RNMT: variants seen among roughly 807,000 people sequenced by gnomAD.
RNMT encodes the protein RNA guanine-7 methyltransferase.
Under a neutral mutation model 56.0 loss-of-function variants are expected in RNMT, and 27 were observed. That is an observed-to-expected ratio of 0.48 (90% CI 0.36 to 0.67). RNMT has a LOEUF of 0.67. RNMT is among the 30% of genes least tolerant of loss of function. The pLI is 0.00. For missense variants in RNMT, 519 were observed against 552.1 expected, an observed-to-expected ratio of 0.94 and a Z score of 0.60; for synonymous variants, 184 against 176.2, an observed-to-expected ratio of 1.04 and a Z score of -0.35.
rs1250711207 is a variant in RNMT at position 13,730,772 on chromosome 18, A to G, written c.-43+17A>G. The G allele has an allele frequency of 1.3e-5, 2 of 152,230 alleles. No homozygotes were observed. The highest frequency in any genetic ancestry group is 2.4e-5 in the African/African-American group (1 of 41,458). 9.4% of individuals were successfully genotyped at this position (152,230 alleles called of 1,614,324 possible). On this transcript the variant is annotated intron_variant, in intron 2 of 11. Transcript: ENST00000383314. ...CATTGAAAGGTATGTAGTGTAATCT[A>G]TTCAGCTGGAACTGTGCTGTACTTA...
At chr18:13,743,343 AATAAATAAATAAAT>A (rs2149094228) in intron 8 of RNMT, among the ~76,000 whole-genome samples, 1 of 102,354 alleles carries the variant, frequency 9.8e-6, no homozygotes, top group South Asian at 2.9e-4. Context: ...TAAATAAATA[AATAAATAAATAAAT>A]AAATAAATAA....
At chr18:13,743,877 T>C (rs1427260107) in intron 8 of RNMT, among the ~76,000 whole-genome samples, 3 of 151,970 alleles carry the variant, frequency 2.0e-5, no homozygotes, top group Admixed American at 2.0e-4. Flanking sequence ...GCATTGTGAC[T>C]GAACATGAGG....
intron 10 of RNMT, among the ~76,000 whole-genome samples, chr18:13,753,866 C>T (rs543781229): frequency 2.0e-5 from 3 of 148,938 alleles, no homozygotes; most frequent in South Asian, 2.1e-4. Flanking sequence ...CCTCTTCACA[C>T]ACATTCACCC....
At chr18:13,744,127 GT>G (rs2044306357) in intron 8 of RNMT, among the ~76,000 whole-genome samples, 1 of 90,054 alleles carries the variant, frequency 1.1e-5, no homozygotes, top group Non-Finnish European at 2.3e-5. Flanking sequence ...CAAAAGATTT[GT>G]TTTAAATGCT....
intron 4 of RNMT, among the ~76,000 whole-genome samples, chr18:13,735,225 T>A (rs1343037468): frequency 6.6e-6 from 1 of 152,168 alleles, no homozygotes; most frequent in African/African-American, 2.4e-5. Context: ...AAGATTTTTT[T>A]AAAGCCAGTC....
chr18:13,757,389 C>G (rs1415804161), intron 11 of RNMT, among the ~76,000 whole-genome samples: 2 of 152,130 alleles, frequency 1.3e-5, no homozygotes, highest in Non-Finnish European at 2.9e-5. Context: ...GAACTTATTT[C>G]TAAATTGGAG....
intron 3 of RNMT, among the ~76,000 whole-genome samples, chr18:13,733,620 C>T (rs1568499194): frequency 6.6e-6 from 1 of 152,136 alleles, no homozygotes; most frequent in Non-Finnish European, 1.5e-5. Context: ...TCAAGTGATC[C>T]TCCCACCTGG....
intron 8 of RNMT, among the ~76,000 whole-genome samples, chr18:13,743,962 T>A (rs1290306961): frequency 9.2e-5 from 14 of 151,982 alleles, no homozygotes; most frequent in Non-Finnish European, 2.1e-4. Flanking sequence ...TTCCTTTTAA[T>A]TTTTAAAACT....
At chr18:13,752,620 A>G (rs964489016) in intron 10 of RNMT, among the ~76,000 whole-genome samples, 193 bp downstream of exon 10, 1 of 152,226 alleles carries the variant, frequency 6.6e-6, no homozygotes, top group Admixed American at 6.5e-5. Flanking sequence ...TGGACTGAGA[A>G]TGGAGTGCTA....
At position 13,741,619 on chromosome 18, in the gene RNMT, T is replaced by C. The variant is rs1201682651; in HGVS notation, c.902T>C (p.Leu301Pro). 6.2e-7 allele frequency: 1 copy of C among 1,613,922 alleles called. No individual in the cohort carries two copies. The highest frequency in any genetic ancestry group is 1.7e-5 in the Admixed American group (1 of 60,014). ...FESYEQADMM[L>P]RNACERLSPG... ...TCTTATGAGCAGGCTGACATGATGCTGAGAAATGCGTGTGAGAGACTTAGC... is the reference window on the plus strand; with the variant it reads ...TCTTATGAGCAGGCTGACATGATGCCGAGAAATGCGTGTGAGAGACTTAGC... The change falls in exon 7 of 12, where the codon CTG (leucine) becomes CCG (proline). Residue 301 changes from leucine (L) to proline (P), a missense_variant. By Grantham distance (98) the Leu-to-Pro change is moderately conservative (BLOSUM62 -3). Coordinates refer to ENST00000383314, the MANE Select transcript of RNMT (RefSeq NM_003799.3).
chr18:13,728,286 ATCC>A (rs546286522), intron 1 of RNMT, among the ~76,000 whole-genome samples: 181 of 143,456 alleles, frequency 1.3e-3, no homozygotes, highest in African/African-American at 4.4e-3. Flanking sequence ...TGCATCCTGC[ATCC>A]TCATCAGCAT....
In RNMT at chr18:13,742,514, A is replaced by T. The variant is rs1199857910; in HGVS notation, c.1001A>T (p.Glu334Val). 1 of 1,612,222 alleles carries T rather than the reference A, an allele frequency of 6.2e-7. No homozygotes were observed. Among genetic ancestry groups the T allele is most frequent in the Middle Eastern group, 1.7e-4 (1 of 6,054 alleles). ...LIRRLEASETESFGNEIYTVK... is the reference protein window; with the variant it reads ...LIRRLEASETVSFGNEIYTVK... ...AGACGCCTTGAAGCTTCAGAAACAG[A>T]ATCATTTGGAAATGAAATATATACT... The change falls in exon 8 of 12, where the codon GAA (glutamate) becomes GTA (valine). Residue 334 changes from glutamate to valine, a missense_variant. By Grantham distance (121) the Glu-to-Val change is moderately radical. Coordinates refer to ENST00000383314, the MANE Select transcript of RNMT (RefSeq NM_003799.3).
intron 8 of RNMT, among the ~76,000 whole-genome samples, chr18:13,743,326 AAAAAAAT>A (rs1311703272): frequency 0.034 from 1,221 of 35,428 alleles, 74 homozygotes; most frequent in African/African-American, 0.081. Context: ...CCGTCTCAAA[AAAAAAAT>A]AAATAAATAA....
At chr18:13,733,434 G>C (rs1253464245) in intron 3 of RNMT, among the ~76,000 whole-genome samples, 1 of 152,034 alleles carries the variant, frequency 6.6e-6, no homozygotes, top group Non-Finnish European at 1.5e-5. Context: ...CTGGAGTGCG[G>C]TGGCCCGATC....
rs752219446 is a variant in RNMT, at chr18:13,760,007, C to T, written c.*28C>T. 11 of 1,611,946 alleles carry T rather than the reference C, an allele frequency of 6.8e-6. No homozygotes were observed. The highest frequency in any genetic ancestry group is 4.0e-5 in the African/African-American group (3 of 74,878). On this transcript the variant is annotated 3_prime_UTR_variant, in exon 12 of 12. Transcript: ENST00000383314. Reference sequence around the variant, plus strand: ...ACATAGGCAGTAGTCCCAGAGGGGCCGTGTTCTGTCCTGCACAAATTTGAA... The same window carrying T: ...ACATAGGCAGTAGTCCCAGAGGGGCTGTGTTCTGTCCTGCACAAATTTGAA...
chr18:13,733,083 G>C (rs560795983), intron 3 of RNMT, among the ~76,000 whole-genome samples: 1 of 151,988 alleles, frequency 6.6e-6, no homozygotes, highest in South Asian at 2.1e-4. Context: ...TTTAAACATA[G>C]TTTTCAAACT....
In RNMT at chr18:13,760,861, G is replaced by A. The variant is rs2044610287; in HGVS notation, c.*882G>A. 1 of 985,244 alleles carries A rather than the reference G, an allele frequency of 1.0e-6. No homozygotes were observed. The highest frequency in any genetic ancestry group is 1.2e-6 in the Non-Finnish European group (1 of 829,902). 61.0% of individuals were successfully genotyped at this position (985,244 alleles called of 1,614,324 possible). A position where few individuals can be genotyped will look rare whatever the true frequency, so the allele number is the denominator to read the frequency against. ...CCCACTTCAGAAATAAGCAATACTT[G>A]TTCCTCTGTTACAACCTCAGCACTT... On this transcript the variant is annotated 3_prime_UTR_variant, in exon 12 of 12. Transcript: ENST00000383314.
At chr18:13,752,551 T>TCA (rs2044467928) in intron 10 of RNMT, 124 bp downstream of exon 10, 3 of 623,150 alleles carry the variant, frequency 4.8e-6, no homozygotes, top group Admixed American at 2.8e-5. Flanking sequence ...AATCAGTTGT[T>TCA]TCCACTAAGT....
chr18:13,745,719 C>T (rs1280876037), intron 8 of RNMT, among the ~76,000 whole-genome samples: 2 of 150,286 alleles, frequency 1.3e-5, no homozygotes, highest in Non-Finnish European at 3.0e-5. Flanking sequence ...CTCTACAGAA[C>T]CTTGAAGTTT....
Sources: gnomAD v4.1 joint callset for allele counts (sites outside exome capture counted in the v4.1 genomes callset) on GRCh38, gnomAD v4.1.1 for gene constraint, MANE v1.5 for transcripts, NCBI Gene and HGNC (gene_info 2026-07-23, HGNC 2026-07-21) for gene names.